Variants in SYNE1 observed in about 807,000 individuals in gnomAD.
The protein encoded by SYNE1 is spectrin repeat containing nuclear envelope protein 1.
A neutral mutation model predicts 1,111.0 loss-of-function variants in SYNE1; 616 were observed. That is an observed-to-expected ratio of 0.55 (90% CI 0.52 to 0.59). The LOEUF (loss-of-function observed/expected upper bound fraction) is 0.59. Ranked by LOEUF, SYNE1 falls within the 20% of genes least tolerant of loss-of-function variation. The probability of loss-of-function intolerance (pLI) is 0.00; values close to 1 mark genes in which losing one functional copy is unlikely to be tolerated. For synonymous variants in SYNE1, 3,855 were observed against 3,825.8 expected (o/e 1.01, Z -0.28); for missense variants, 10,006 against 10,417.0 (o/e 0.96, Z 1.72).
chr6:152,336,666 A>G (rs990337035), intron 76 of SYNE1, 175 bp downstream of exon 76: 4 of 817,582 alleles, frequency 4.9e-6, no homozygotes, highest in African/African-American at 1.7e-5. Context: ...CTAACAGGAC[A>G]TGGACTTGTG....
At chr6:152,172,151 T>C (rs1430798678) in intron 130 of SYNE1, among the ~76,000 whole-genome samples, 3 of 152,130 alleles carry the variant, frequency 2.0e-5, no homozygotes, top group African/African-American at 4.8e-5. Context: ...GATTAGTAGT[T>C]TCCCAGGGCT....
rs111259436 is a variant in SYNE1 at position 152,408,911 on chromosome 6, G to A, written c.6540+157C>T. The stretch of plus-strand genomic sequence containing the variant: ...AGAGGTTGCGGTGAGCTGAGATTGC[G>A]CCATTGCACTCCAGCCTGGGCAACA... On this transcript the variant is annotated intron_variant, in intron 44 of 145. Coordinates refer to ENST00000367255, the MANE Select transcript of SYNE1 (RefSeq NM_182961.4). 4.3e-4 allele frequency among the ~76,000 whole-genome samples: 65 copies of A among 150,206 alleles called. 2 individuals carry two copies. The Middle Eastern group carries it at 0.01, about 24-fold the overall frequency.
chr6:152,392,091 A>C (rs1219851338), intron 51 of SYNE1, among the ~76,000 whole-genome samples: 1 of 151,996 alleles, frequency 6.6e-6, no homozygotes, highest in Non-Finnish European at 1.5e-5. Flanking sequence ...ACACCAATTC[A>C]GGGTGGGTGG....
intron 32 of SYNE1, 44 bp downstream of exon 32, chr6:152,441,086 C>T (rs765883216): frequency 1.7e-5 from 27 of 1,609,612 alleles, no homozygotes; most frequent in Admixed American, 3.3e-5. Flanking sequence ...GTTTGTTTTG[C>T]TTTGTTTTTT....
intron 27 of SYNE1, among the ~76,000 whole-genome samples, chr6:152,450,145 G>A (rs1316898223): frequency 6.6e-6 from 1 of 152,180 alleles, no homozygotes; most frequent in African/African-American, 2.4e-5. Context: ...ATGATAGTGA[G>A]TGAGTGCTCA....
intron 73 of SYNE1, 125 bp downstream of exon 73, chr6:152,346,934 T>C (rs1394031596): frequency 9.7e-6 from 11 of 1,132,868 alleles, no homozygotes; most frequent in South Asian, 1.6e-5. Context: ...TCGTATTTCC[T>C]GTCTGGCAAC....
intron 2 of SYNE1, among the ~76,000 whole-genome samples, chr6:152,631,074 A>T (rs549179229): frequency 3.3e-5 from 5 of 152,320 alleles, no homozygotes; most frequent in Admixed American, 3.3e-4. Flanking sequence ...ACACAGTGGG[A>T]GATAAAACAT....
chr6:152,348,715 AATAC>A (rs1292754308), intron 72 of SYNE1, among the ~76,000 whole-genome samples: 2 of 149,238 alleles, frequency 1.3e-5, no homozygotes, highest in East Asian at 4.0e-4. Flanking sequence ...AAAATAAATA[AATAC>A]ATAAATAAAT....
intron 98 of SYNE1, chr6:152,277,673 T>C (rs1239369725): frequency 4.5e-6 from 1 of 221,748 alleles, no homozygotes; most frequent in Non-Finnish European, 9.2e-6. Context: ...TAAAATGAAA[T>C]ACTCAAATTG....
chr6:152,539,123 T>A (rs971505034), intron 4 of SYNE1, among the ~76,000 whole-genome samples: 6 of 152,150 alleles, frequency 3.9e-5, no homozygotes, highest in African/African-American at 1.4e-4. Flanking sequence ...AAAGTGAGAA[T>A]AAAAAATTTG....
Position 152,136,822 on chromosome 6 carries a change from A to C in SYNE1, c.25459-4T>G, listed in dbSNP as rs762844597. 1.2e-6 allele frequency: 2 copies of C among 1,613,676 alleles called. No individual in the cohort carries two copies. Among genetic ancestry groups the C allele is most frequent in the Non-Finnish European group, 1.7e-6 (2 of 1,179,658 alleles). ...GGTCCACAGCTTTCTGGAGCTCCTG[A>C]AAAGAACAAAAAAGACAATCAAACA... On this transcript the variant is annotated splice_polypyrimidine_tract_variant and splice_region_variant and intron_variant, in intron 140 of 145. Coordinates refer to ENST00000367255, the MANE Select transcript of SYNE1 (RefSeq NM_182961.4).
At chr6:152,177,681 G>C (rs904475920) in intron 129 of SYNE1, among the ~76,000 whole-genome samples, 3 of 152,104 alleles carry the variant, frequency 2.0e-5, no homozygotes, top group African/African-American at 7.2e-5. Context: ...AACACAATGG[G>C]ATTCAAAGAC....
At chr6:152,335,806 C>T (rs1194290249) in intron 76 of SYNE1, 6 of 152,046 alleles carry the variant, frequency 3.9e-5, no homozygotes, top group Admixed American at 3.9e-4. Context: ...TCTCGTGCCT[C>T]AGCCTCCCAA....
intron 3 of SYNE1, among the ~76,000 whole-genome samples, chr6:152,543,635 C>A (rs535188465): frequency 7.2e-5 from 11 of 152,294 alleles, no homozygotes; most frequent in African/African-American, 2.6e-4. Flanking sequence ...TACAGTCATG[C>A]ACTGCATAAT....
chr6:152,534,949 A>T (rs1429747567), intron 4 of SYNE1, among the ~76,000 whole-genome samples: 1 of 152,268 alleles, frequency 6.6e-6, no homozygotes, highest in African/African-American at 2.4e-5. Flanking sequence ...GTATTAAAAC[A>T]AAATGTGCTC....
chr6:152,427,930 T>G (rs1005711361), intron 37 of SYNE1, 114 bp from the exon 38 acceptor site: 1 of 1,471,618 alleles, frequency 6.8e-7, no homozygotes, highest in African/African-American at 1.4e-5. Flanking sequence ...GCCTCAGTTA[T>G]CTCAGTCTTA....
Position 152,512,995 on chromosome 6 carries a change from G to A in SYNE1, c.310-1892C>T, listed in dbSNP as rs772894094. Among the ~76,000 whole-genome samples the A allele has an allele frequency of 5.9e-5, 9 of 152,146 alleles. No individual in the cohort carries two copies. In the South Asian group the frequency reaches 6.2e-4, roughly 11 times the overall value. ...TTCTCAAAGGGTGATTCCCAGAGTC[G>A]CAGCAAGCACGTCACCTGGAAACTT... On this transcript the variant is annotated intron_variant, in intron 6 of 145. Transcript: ENST00000367255.
At position 152,192,811 on chromosome 6, in the gene SYNE1, T is replaced by C. The variant is rs561212715; in HGVS notation, c.23146-3404A>G. ...GGCTGAATTAACCCCTTTTTCATCA[T>C]ATAATGACATTCTTTGTGTCTTTTT... is the stretch of plus-strand genomic sequence containing the variant. On this transcript the variant is annotated intron_variant, in intron 127 of 145. Transcript: ENST00000367255. Among the ~76,000 whole-genome samples the C allele has an allele frequency of 2.6e-4, 39 of 152,312 alleles. No individual in the cohort carries two copies. In the South Asian group the frequency reaches 4.8e-3, roughly 19 times the overall value.
At position 152,258,827 on chromosome 6, in the gene SYNE1, C is replaced by T. The variant is rs566133137; in HGVS notation, c.18973-2062G>A. On this transcript the variant is annotated intron_variant, in intron 101 of 145. Coordinates refer to ENST00000367255, the MANE Select transcript of SYNE1 (RefSeq NM_182961.4). The stretch of plus-strand genomic sequence containing the variant: ...TGGTGCGATCTTGGCACACTGCAAC[C>T]TCTGCCTCCCGGGTTCAAGTGATTC... 9.0e-4 allele frequency among the ~76,000 whole-genome samples: 136 copies of T among 151,916 alleles called. 1 individual carries two copies. The highest frequency in any genetic ancestry group is 1.4e-3 in the Non-Finnish European group (96 of 67,960).
Sources: gnomAD v4.1 joint callset for allele counts (sites outside exome capture counted in the v4.1 genomes callset) on GRCh38, gnomAD v4.1.1 for gene constraint, MANE v1.5 for transcripts, NCBI Gene and HGNC (gene_info 2026-07-23, HGNC 2026-07-21) for gene names.